DNM3: variants seen among roughly 807,000 people sequenced by gnomAD.
DNM3 encodes dynamin 3.
DNM3 carries 47 observed loss-of-function variants against 101.6 expected under a neutral mutation model. The ratio of observed to expected loss-of-function variants is 0.46; its 90% CI spans 0.37 to 0.59. DNM3 has a LOEUF of 0.59. Ranked by LOEUF, DNM3 falls within the 20% of genes least tolerant of loss-of-function variation. The pLI is 0.00. For missense variants in DNM3, 849 were observed against 1,085.7 expected (o/e 0.78, Z 3.06); for synonymous variants, 385 against 387.9 (o/e 0.99, Z 0.09).
rs186793469 is a variant in DNM3 at position 172,412,635 on chromosome 1, T to A, written c.*4794T>A. ...TTGAAGAAAAATCTCAAAGCCTGTATCGTTCTTGAAGGTCACATGTACCTA... is the reference window on the plus strand; with the variant it reads ...TTGAAGAAAAATCTCAAAGCCTGTAACGTTCTTGAAGGTCACATGTACCTA... On this transcript the variant is annotated 3_prime_UTR_variant, in exon 21 of 21. Transcript: ENST00000627582. 9.1e-6 allele frequency: 9 copies of A among 985,854 alleles called. No individual in the cohort carries two copies. The East Asian group carries it at 9.1e-4, about 99-fold the overall frequency. The allele number at this position is 985,854 out of a possible 1,614,324, so 61.1% of individuals were successfully genotyped here. A position where few individuals can be genotyped will look rare whatever the true frequency, so the allele number is the denominator to read the frequency against.
At chr1:172,225,115 C>T (rs2061055786) in intron 14 of DNM3, among the ~76,000 whole-genome samples, 1 of 149,190 alleles carries the variant, frequency 6.7e-6, no homozygotes, top group African/African-American at 2.5e-5. Flanking sequence ...GTGGCATGTC[C>T]CTCCTGTTTC....
chr1:172,070,018 T>C (rs532118130), intron 11 of DNM3, among the ~76,000 whole-genome samples: 18 of 152,080 alleles, frequency 1.2e-4, no homozygotes, highest in Non-Finnish European at 2.4e-4. Flanking sequence ...GACAGAGGGA[T>C]GGAGACCCAG....
intron 2 of DNM3, among the ~76,000 whole-genome samples, chr1:171,950,932 C>A (rs2125453467): frequency 6.6e-6 from 1 of 152,192 alleles, no homozygotes; most frequent in African/African-American, 2.4e-5. Context: ...CCTCATCTTC[C>A]TCTTCCTCCT....
At chr1:172,050,204 A>G (rs920861916) in intron 10 of DNM3, among the ~76,000 whole-genome samples, 3 of 152,192 alleles carry the variant, frequency 2.0e-5, no homozygotes, top group Non-Finnish European at 2.9e-5. Context: ...TTCAGAATGC[A>G]ACCTATCGTG....
rs557110548 is a variant in DNM3 at position 172,380,913 on chromosome 1, A to C, written c.2058+1731A>C. The stretch of plus-strand genomic sequence containing the variant: ...GCTTTGCTCTGCACTATATTAAATC[A>C]TCAGCACAGGAAATAGCACTTCCTG... On this transcript the variant is annotated intron_variant, in intron 18 of 20. Transcript: ENST00000627582. 1.8e-3 allele frequency: 275 copies of C among 151,382 alleles called. 1 individual carries two copies. Among genetic ancestry groups the C allele is most frequent in the African/African-American group, 6.2e-3 (255 of 41,272 alleles). The allele number at this position is 151,382 out of a possible 1,614,324, so 9.4% of individuals were successfully genotyped here.
In DNM3 at chr1:172,021,798, A is replaced by C. The variant is rs565892953; in HGVS notation, c.590-10604A>C. ...TGGTTGTTCTTTCCTGAAGAGACAC[A>C]TAATTAAAACACAATGTCACAATGA... On this transcript the variant is annotated intron_variant, in intron 4 of 20. Transcript: ENST00000627582. 2.1e-3 allele frequency among the ~76,000 whole-genome samples: 324 copies of C among 152,352 alleles called. 1 individual carries two copies. Among genetic ancestry groups the C allele is most frequent in the Non-Finnish European group, 2.6e-3 (176 of 68,032 alleles).
chr1:171,988,255 A>G (rs1010794582), intron 3 of DNM3, among the ~76,000 whole-genome samples: 4 of 152,184 alleles, frequency 2.6e-5, no homozygotes, highest in African/African-American at 4.8e-5. Flanking sequence ...TAACCAATCC[A>G]TAATGTGTGA....
chr1:172,040,229 T>G (rs2049274373), intron 7 of DNM3, among the ~76,000 whole-genome samples: 1 of 152,168 alleles, frequency 6.6e-6, no homozygotes, highest in Admixed American at 6.6e-5. Context: ...GTCATACCTC[T>G]CCAGGTGTTT....
At chr1:172,217,711 C>A (rs1361653379) in intron 14 of DNM3, among the ~76,000 whole-genome samples, 2 of 152,036 alleles carry the variant, frequency 1.3e-5, no homozygotes, top group African/African-American at 2.4e-5. Context: ...TTAACTACAG[C>A]CTATCAACCA....
intron 14 of DNM3, among the ~76,000 whole-genome samples, chr1:172,208,392 A>ATT (rs542562089): frequency 3.3e-4 from 50 of 152,198 alleles, no homozygotes; most frequent in Non-Finnish European, 4.7e-4. Context: ...CTGTAAGGGT[A>ATT]TTTTTTAGAT....
At chr1:171,921,563 G>A (rs1029604708) in intron 1 of DNM3, among the ~76,000 whole-genome samples, 185 bp from the exon 2 acceptor site, 6 of 152,056 alleles carry the variant, frequency 3.9e-5, no homozygotes, top group Admixed American at 2.6e-4. Context: ...TGCAATATAA[G>A]GCCCTCCTCC....
intron 1 of DNM3, among the ~76,000 whole-genome samples, chr1:171,911,426 G>A (rs2039293375): frequency 6.6e-6 from 1 of 151,976 alleles, no homozygotes; most frequent in African/African-American, 2.4e-5. Context: ...GATATTACAA[G>A]TGCGTGACAC....
intron 16 of DNM3, among the ~76,000 whole-genome samples, chr1:172,319,404 A>G (rs1189228028): frequency 6.6e-6 from 1 of 152,202 alleles, no homozygotes; most frequent in Non-Finnish European, 1.5e-5. Context: ...TAATTAAACT[A>G]AAGAGTTTCT....
intron 14 of DNM3, among the ~76,000 whole-genome samples, chr1:172,162,388 C>T (rs1027644245): frequency 1.3e-4 from 20 of 151,928 alleles, no homozygotes; most frequent in African/African-American, 4.6e-4. Flanking sequence ...GCTTTCCAAA[C>T]ATTTGGCAGT....
At chr1:172,152,962 G>A (rs748074082) in intron 14 of DNM3, among the ~76,000 whole-genome samples, 1 of 152,100 alleles carries the variant, frequency 6.6e-6, no homozygotes, top group Non-Finnish European at 1.5e-5. Flanking sequence ...GTGTTTCGGC[G>A]CCCAGAGCAG....
At chr1:172,336,809 G>T (rs2066453088) in intron 17 of DNM3, among the ~76,000 whole-genome samples, 1 of 152,038 alleles carries the variant, frequency 6.6e-6, no homozygotes, top group Non-Finnish European at 1.5e-5. Flanking sequence ...TAAAGTGCCA[G>T]TCAGAGCTCA....
intron 20 of DNM3, chr1:172,399,979 A>C: frequency 6.6e-6 from 1 of 151,896 alleles, no homozygotes; most frequent in Non-Finnish European, 1.5e-5. Flanking sequence ...TTCTAGTTAC[A>C]TAGTTACCCC....
intron 14 of DNM3, among the ~76,000 whole-genome samples, chr1:172,190,224 C>T (rs1488071003): frequency 1.3e-5 from 2 of 152,076 alleles, no homozygotes; most frequent in African/African-American, 4.8e-5. Flanking sequence ...CATGTGTTCT[C>T]ATTGTTCAAT....
At chr1:172,413,628 C>T (rs781014797), downstream of DNM3, among the ~76,000 whole-genome samples, 2 of 152,198 alleles carry the variant, frequency 1.3e-5, no homozygotes, top group Non-Finnish European at 2.9e-5. Flanking sequence ...CTCTCTATTA[C>T]AAGAGTTTTG....
Sources: allele counts gnomAD v4.1 joint callset (sites outside exome capture counted in the v4.1 genomes callset), GRCh38; gene constraint gnomAD v4.1.1; transcripts MANE v1.5; gene names NCBI Gene and HGNC (gene_info 2026-07-23, HGNC 2026-07-21).